NEK10: variants seen among roughly 807,000 people sequenced by gnomAD.
NEK10 encodes serine/threonine-protein kinase Nek10.
A neutral mutation model predicts 159.8 loss-of-function variants in NEK10; 122 were observed. The observed-to-expected ratio is 0.76, with a 90% CI of 0.66 to 0.89. NEK10 has a LOEUF of 0.89. NEK10 is among the 40% of genes least tolerant of loss of function. The pLI is 0.00. For missense variants in NEK10, 1,342 were observed against 1,323.1 expected, an observed-to-expected ratio of 1.01 and a Z score of -0.22; for synonymous variants, 466 against 457.1, an observed-to-expected ratio of 1.02 and a Z score of -0.25.
chr3:27,221,046 A>G (rs938437785), intron 23 of NEK10, among the ~76,000 whole-genome samples: 6 of 152,328 alleles, frequency 3.9e-5, no homozygotes, highest in South Asian at 4.1e-4. Flanking sequence ...ACCTATATAT[A>G]AGAATTAGAA....
chr3:27,271,185 AT>A (rs1559400878), intron 22 of NEK10, among the ~76,000 whole-genome samples: 3 of 151,572 alleles, frequency 2.0e-5, no homozygotes, highest in African/African-American at 4.9e-5. Flanking sequence ...CTATCTATCT[AT>A]CTATCTATCT....
At chr3:27,180,043 T>C (rs1300806154) in intron 26 of NEK10, among the ~76,000 whole-genome samples, 2 of 151,824 alleles carry the variant, frequency 1.3e-5, no homozygotes, top group Non-Finnish European at 2.9e-5. Context: ...ATCATACTAC[T>C]GCACTCCAGC....
chr3:27,255,489 C>A (rs1275638865), intron 23 of NEK10, among the ~76,000 whole-genome samples: 1 of 128,680 alleles, frequency 7.8e-6, no homozygotes, highest in Non-Finnish European at 1.6e-5. Context: ...AATTGTACAA[C>A]TATAGGCTAG....
chr3:27,186,149 A>G (rs982794389), intron 26 of NEK10, among the ~76,000 whole-genome samples: 12 of 152,236 alleles, frequency 7.9e-5, no homozygotes, highest in African/African-American at 2.7e-4. Flanking sequence ...GGTCTGGCAC[A>G]CAGAGAGACT....
chr3:27,145,631 A>T (rs944249321), intron 30 of NEK10, among the ~76,000 whole-genome samples: 3 of 152,090 alleles, frequency 2.0e-5, no homozygotes, highest in African/African-American at 7.2e-5. Context: ...AGAAACTGGG[A>T]GGTGTTTTAC....
At chr3:27,125,008 T>G (rs572886214) in intron 32 of NEK10, among the ~76,000 whole-genome samples, 2 of 152,140 alleles carry the variant, frequency 1.3e-5, no homozygotes, top group Non-Finnish European at 2.9e-5. Context: ...AGCCTCCTTC[T>G]GAGTTGACAA....
chr3:27,173,710 C>A (rs1286680677), intron 28 of NEK10, among the ~76,000 whole-genome samples: 1 of 152,098 alleles, frequency 6.6e-6, no homozygotes, highest in Admixed American at 6.6e-5. Context: ...TAATTTATTT[C>A]AGAATATTTC....
chr3:27,258,271 C>T (rs11719299), intron 22 of NEK10, among the ~76,000 whole-genome samples: 1 of 151,712 alleles, frequency 6.6e-6, no homozygotes, highest in South Asian at 2.1e-4. Flanking sequence ...GCACAACGTG[C>T]AAGTTTGTTA....
intron 12 of NEK10, among the ~76,000 whole-genome samples, chr3:27,304,000 C>A (rs1291598324): frequency 6.6e-6 from 1 of 152,102 alleles, no homozygotes; most frequent in Non-Finnish European, 1.5e-5. Context: ...GATGGTACCA[C>A]AAGATATTAT....
Position 27,364,523 on chromosome 3 carries a change from C to T in NEK10, c.-38+4702G>A, listed in dbSNP as rs192610313. ...GATTACAGGCGTGAGCCACAGCACCCGGCCATGTATTTATTTTAAATCATT... is the reference window on the plus strand; with the variant it reads ...GATTACAGGCGTGAGCCACAGCACCTGGCCATGTATTTATTTTAAATCATT... On this transcript the variant is annotated intron_variant, in intron 1 of 35. Transcript: ENST00000691995. 1.9e-3 allele frequency among the ~76,000 whole-genome samples: 286 copies of T among 152,104 alleles called. 3 individuals are homozygous for T. The highest frequency in any genetic ancestry group is 6.4e-3 in the African/African-American group (266 of 41,494).
chr3:27,173,698 C>T (rs1286377444), intron 28 of NEK10, among the ~76,000 whole-genome samples: 1 of 152,078 alleles, frequency 6.6e-6, no homozygotes, highest in African/African-American at 2.4e-5. Flanking sequence ...ATTATTTTCA[C>T]TTAATTTATT....
chr3:27,256,922 T>C (rs999722920), intron 22 of NEK10, among the ~76,000 whole-genome samples: 4 of 148,596 alleles, frequency 2.7e-5, no homozygotes, highest in Admixed American at 1.3e-4. Flanking sequence ...CTTTTTTTTT[T>C]TTTTTTTTTT....
chr3:27,312,314 G>T lies in NEK10; in HGVS notation c.490-137C>A, dbSNP rs1409202565. 1.8e-5 allele frequency: 9 copies of T among 510,200 alleles called. No individual in the cohort carries two copies. In the East Asian group the frequency reaches 2.9e-4, roughly 16 times the overall value. The allele number at this position is 510,200 out of a possible 1,614,324, so 31.6% of individuals were successfully genotyped here. A position where few individuals can be genotyped will look rare whatever the true frequency, so the allele number is the denominator to read the frequency against. On this transcript the variant is annotated intron_variant, in intron 7 of 35. Coordinates refer to ENST00000691995, the MANE Select transcript of NEK10 (RefSeq NM_001394966.1). ...ATCAAATAATACTCTCATGCTCCTG[G>T]AACAGTTATCGCTCAAGTGCAAAAG...
At chr3:27,368,497 C>A (rs1011285432) in intron 1 of NEK10, among the ~76,000 whole-genome samples, 9 of 151,904 alleles carry the variant, frequency 5.9e-5, no homozygotes, top group African/African-American at 2.2e-4. Flanking sequence ...TGATTCAACA[C>A]CTATTAAGAA....
chr3:27,171,192 A>G (rs1946950442), intron 29 of NEK10, among the ~76,000 whole-genome samples: 1 of 152,212 alleles, frequency 6.6e-6, no homozygotes, highest in Admixed American at 6.5e-5. Flanking sequence ...TCCCTACTCT[A>G]AGAAACAACT....
chr3:27,272,255 A>G (rs915129735), intron 22 of NEK10, among the ~76,000 whole-genome samples: 1 of 151,854 alleles, frequency 6.6e-6, no homozygotes, highest in East Asian at 1.9e-4. Context: ...CCTATAAAGC[A>G]CCTGCCACTT....
At chr3:27,239,147 T>C (rs185489572) in intron 23 of NEK10, among the ~76,000 whole-genome samples, 63 of 152,246 alleles carry the variant, frequency 4.1e-4, no homozygotes, top group Admixed American at 2.1e-3. Context: ...TTTTAATGCA[T>C]AATTCTCACA....
At chr3:27,161,082 G>A (rs1418463898) in intron 30 of NEK10, among the ~76,000 whole-genome samples, 12 of 152,182 alleles carry the variant, frequency 7.9e-5, no homozygotes, top group Admixed American at 6.5e-5. Context: ...CAGTGCCACC[G>A]ACATAAAATC....
intron 29 of NEK10, among the ~76,000 whole-genome samples, chr3:27,166,959 CA>C (rs113489465): frequency 2.0e-4 from 29 of 142,254 alleles, no homozygotes; most frequent in Admixed American, 2.1e-4. Flanking sequence ...AATTCTGTCT[CA>C]AAAAAAAAAA....
Sources: gnomAD v4.1 joint callset for allele counts (sites outside exome capture counted in the v4.1 genomes callset) on GRCh38, gnomAD v4.1.1 for gene constraint, MANE v1.5 for transcripts, NCBI Gene and HGNC (gene_info 2026-07-23, HGNC 2026-07-21) for gene names.